EFCAB14: variants seen among roughly 807,000 people sequenced by gnomAD.
EFCAB14 encodes the protein EF-hand calcium-binding domain-containing protein 14.
EFCAB14 carries 43 observed loss-of-function variants against 56.5 expected under a neutral mutation model. The observed-to-expected ratio is 0.76, with a 90% confidence interval of 0.60 to 0.98. The LOEUF (loss-of-function observed/expected upper bound fraction) is 0.98, where lower values mean the gene tolerates loss of function less well. EFCAB14 is among the 50% of genes least tolerant of loss of function. The pLI, the probability that EFCAB14 is intolerant of heterozygous loss-of-function variation, is 0.00. For synonymous variants in EFCAB14, 235 were observed against 212.9 expected, an observed-to-expected ratio of 1.10 and a Z score of -0.90; for missense variants, 538 against 580.3, an observed-to-expected ratio of 0.93 and a Z score of 0.75.
intron 2 of EFCAB14, among the ~76,000 whole-genome samples, chr1:46,711,590 G>T (rs921309329): frequency 1.7e-4 from 26 of 152,212 alleles, no homozygotes; most frequent in Admixed American, 3.9e-4. Context: ...TACATAAATG[G>T]GAGGAAGTGT....
Position 46,696,733 on chromosome 1 carries a change from A to G in EFCAB14, c.481-84T>C, listed in dbSNP as rs1677083169. On this transcript the variant is annotated intron_variant, in intron 3 of 10. Transcript: ENST00000371933. ...ACCTTCACAAACTCTACGGTTGGTG[A>G]TGTCAAGATAGTCTAGGATTTTATG... 6.3e-6 allele frequency: 8 copies of G among 1,265,984 alleles called. No individual in the cohort carries two copies. The Admixed American group carries it at 1.5e-4, about 23-fold the overall frequency. The allele number at this position is 1,265,984 out of a possible 1,614,324, so 78.4% of individuals were successfully genotyped here.
chr1:46,707,794 G>C, intron 3 of EFCAB14, 112 bp downstream of exon 3: 1 of 1,147,476 alleles, frequency 8.7e-7, no homozygotes, highest in Admixed American at 2.9e-5. Flanking sequence ...ATTTCAAAAA[G>C]TAAAACAAAC....
At position 46,696,506 on chromosome 1, in the gene EFCAB14, T is replaced by C. The variant is rs774478893; in HGVS notation, c.579+45A>G. 14 of 1,557,574 alleles carry C rather than the reference T, an allele frequency of 9.0e-6. No individual in the cohort carries two copies. The Admixed American group carries it at 1.6e-4, about 18-fold the overall frequency. ...AATTATGGCAAATAGTACCCACACA[T>C]GGCACCTACCTTCTGAAGTCTCTGT... On this transcript the variant is annotated intron_variant, in intron 4 of 10. Coordinates refer to ENST00000371933, the MANE Select transcript of EFCAB14 (RefSeq NM_014774.3).
At position 46,688,358 on chromosome 1, in the gene EFCAB14, T is replaced by C. The variant is rs759069106; in HGVS notation, c.982A>G (p.Ser328Gly). 7 of 1,613,626 alleles carry C rather than the reference T, an allele frequency of 4.3e-6. No homozygotes were observed. The highest frequency in any genetic ancestry group is 5.9e-6 in the Non-Finnish European group (7 of 1,179,638). ...KVEKKANLSFSMMGDRSATLK... is the reference protein window; with the variant it reads ...KVEKKANLSFGMMGDRSATLK... ...AAAGATCAGAAAAGGCTTACCATGC[T>C]GAAGGACAGGTTTGCTTTCTTTTCT... The change falls in exon 7 of 11, where the codon AGC (serine) becomes GGC (glycine). Residue 328 changes from serine (S) to glycine (G), a missense_variant. By Grantham distance (56) the Ser-to-Gly change is moderately conservative. Transcript: ENST00000371933.
chr1:46,718,168 A>G lies in EFCAB14; in HGVS notation c.-81T>C. On this transcript the variant is annotated 5_prime_UTR_variant, in exon 1 of 11. Coordinates refer to ENST00000371933, the MANE Select transcript of EFCAB14 (RefSeq NM_014774.3). ...ATGCCCAATTCTCTTCCTGCCTTGGAGCTGCCTTCCAGGGTTGGGAATCCT... is the reference window on the plus strand; with the variant it reads ...ATGCCCAATTCTCTTCCTGCCTTGGGGCTGCCTTCCAGGGTTGGGAATCCT... The G allele has an allele frequency of 6.7e-7, 1 of 1,493,022 alleles. No individual in the cohort carries two copies. Among genetic ancestry groups the G allele is most frequent in the Non-Finnish European group, 9.1e-7 (1 of 1,095,066 alleles). The allele number at this position is 1,493,022 out of a possible 1,614,324, so 92.5% of individuals were successfully genotyped here. A position where few individuals can be genotyped will look rare whatever the true frequency, so the allele number is the denominator to read the frequency against.
At chr1:46,697,603 G>A (rs939895023) in intron 3 of EFCAB14, among the ~76,000 whole-genome samples, 1 of 152,174 alleles carries the variant, frequency 6.6e-6, no homozygotes, top group African/African-American at 2.4e-5. Context: ...TATGGGCCAA[G>A]CACAGTGGTA....
At chr1:46,687,264 GTT>G (rs1438059384) in intron 7 of EFCAB14, among the ~76,000 whole-genome samples, 1 of 152,206 alleles carries the variant, frequency 6.6e-6, no homozygotes, top group East Asian at 1.9e-4. Context: ...GGAGTGGTAA[GTT>G]TTCACAATAA....
chr1:46,709,037 C>T (rs1677272143), intron 2 of EFCAB14, among the ~76,000 whole-genome samples: 1 of 151,890 alleles, frequency 6.6e-6, no homozygotes, highest in Non-Finnish European at 1.5e-5. Flanking sequence ...AAAATAACTT[C>T]CTAAAATGTA....
Position 46,678,180 on chromosome 1 carries a change from A to T in EFCAB14, c.*281T>A, listed in dbSNP as rs1321786804. On this transcript the variant is annotated 3_prime_UTR_variant, in exon 11 of 11. Transcript: ENST00000371933. ...GATAAGGTCTCCTCCCCTCAAAAAAAGGAAAGAGAAAAAAAGAGGGCTTTA... is the reference window on the plus strand; with the variant it reads ...GATAAGGTCTCCTCCCCTCAAAAAATGGAAAGAGAAAAAAAGAGGGCTTTA... 3.8e-6 allele frequency: 1 copy of T among 266,238 alleles called. No homozygotes were observed. Among genetic ancestry groups the T allele is most frequent in the African/African-American group, 2.3e-5 (1 of 44,364 alleles). The allele number at this position is 266,238 out of a possible 1,614,324, so 16.5% of individuals were successfully genotyped here.
Position 46,718,697 on chromosome 1 carries a change from G to A in EFCAB14, c.-610C>T, listed in dbSNP as rs1248346179. The A allele has an allele frequency of 6.6e-6, 1 of 152,428 alleles. No individual in the cohort carries two copies. The highest frequency in any genetic ancestry group is 1.5e-5 in the Non-Finnish European group (1 of 68,244). 9.4% of individuals were successfully genotyped at this position (152,428 alleles called of 1,614,324 possible). ...TGCTTGGCCGCAGAGAAAATGCCCT[G>A]GCCAGGAAGCCGGCTGGGGTGTGTG... On this transcript the variant is annotated 5_prime_UTR_variant, in exon 1 of 11. Transcript: ENST00000371933.
chr1:46,699,153 C>T (rs567399099), intron 3 of EFCAB14, among the ~76,000 whole-genome samples: 64 of 152,240 alleles, frequency 4.2e-4, no homozygotes, highest in Middle Eastern at 3.4e-3. Context: ...AAGCATTAAA[C>T]GTGATACTGA....
chr1:46,684,394 T>G (rs1676844752), intron 9 of EFCAB14, 97 bp downstream of exon 9: 4 of 950,784 alleles, frequency 4.2e-6, no homozygotes. Flanking sequence ...ACTCGCTTGG[T>G]GCGATCAGTA....
intron 5 of EFCAB14, 107 bp downstream of exon 5, chr1:46,691,720 T>C: frequency 1.5e-6 from 1 of 682,088 alleles, no homozygotes; most frequent in Admixed American, 2.9e-5. Context: ...TTAGATCTTT[T>C]GAACAGATGC....
intron 5 of EFCAB14, among the ~76,000 whole-genome samples, chr1:46,690,829 C>G (rs1046474071): frequency 6.6e-6 from 1 of 150,540 alleles, no homozygotes; most frequent in African/African-American, 2.4e-5. Flanking sequence ...CTAGAGCTCT[C>G]TAATATAGCC....
In EFCAB14 at chr1:46,678,072, A is replaced by T. The variant is rs1434049020; in HGVS notation, c.*389T>A. 6.3e-6 allele frequency: 1 copy of T among 159,972 alleles called. No homozygotes were observed. Among genetic ancestry groups the T allele is most frequent in the Non-Finnish European group, 1.4e-5 (1 of 73,412 alleles). The allele number at this position is 159,972 out of a possible 1,614,324, so 9.9% of individuals were successfully genotyped here. ...GAAAAGACATTTTCTGAGTCTCTAT[A>T]AAGTGCAGCTAATTTAAGGCAAATT... On this transcript the variant is annotated 3_prime_UTR_variant, in exon 11 of 11. Coordinates refer to ENST00000371933, the MANE Select transcript of EFCAB14 (RefSeq NM_014774.3).
intron 5 of EFCAB14, among the ~76,000 whole-genome samples, chr1:46,689,985 C>A (rs1208295826): frequency 6.6e-6 from 1 of 152,144 alleles, no homozygotes; most frequent in Admixed American, 6.5e-5. Context: ...TCTCCTTTGC[C>A]CCATTGCCTG....
At position 46,676,216 on chromosome 1, in the gene EFCAB14, A is replaced by G. The variant is rs562817205; in HGVS notation, c.*2245T>C. 5.9e-5 allele frequency: 9 copies of G among 152,222 alleles called. No homozygotes were observed. Among genetic ancestry groups the G allele is most frequent in the Admixed American group, 1.3e-4 (2 of 15,282 alleles). 9.4% of individuals were successfully genotyped at this position (152,222 alleles called of 1,614,324 possible). On this transcript the variant is annotated 3_prime_UTR_variant, in exon 11 of 11. Coordinates refer to ENST00000371933, the MANE Select transcript of EFCAB14 (RefSeq NM_014774.3). The stretch of plus-strand genomic sequence containing the variant: ...GGCAGGATGACAAAAATATTCATAG[A>G]TCTGAGAATGCAGTATAAACACCTC...
intron 2 of EFCAB14, among the ~76,000 whole-genome samples, chr1:46,715,429 T>C (rs1314723099): frequency 1.3e-5 from 2 of 152,220 alleles, no homozygotes; most frequent in African/African-American, 4.8e-5. Context: ...CACCGGATTA[T>C]TTTGTAAAGA....
intron 2 of EFCAB14, among the ~76,000 whole-genome samples, chr1:46,716,004 T>C (rs541193882): frequency 2.0e-5 from 3 of 151,916 alleles, no homozygotes; most frequent in Admixed American, 6.5e-5. Flanking sequence ...TCCTGGCACT[T>C]TGGGAGGCCG....
Sources: allele counts gnomAD v4.1 joint callset (sites outside exome capture counted in the v4.1 genomes callset), GRCh38; gene constraint gnomAD v4.1.1; transcripts MANE v1.5; gene names NCBI Gene and HGNC (gene_info 2026-07-23, HGNC 2026-07-21).